CSGALNACT1: variants seen among roughly 807,000 people sequenced by gnomAD.
The protein encoded by CSGALNACT1 is chondroitin sulfate N-acetylgalactosaminyltransferase 1, also known as beta4GalNAcT-1.
A neutral mutation model predicts 51.0 loss-of-function variants in CSGALNACT1; 52 were observed. That is an observed-to-expected ratio of 1.02 (90% CI 0.82 to 1.29). The LOEUF (loss-of-function observed/expected upper bound fraction) is 1.29, where lower values mean the gene tolerates loss of function less well. CSGALNACT1 is among the 50% of genes most tolerant of loss of function. The pLI, the probability that CSGALNACT1 is intolerant of heterozygous loss-of-function variation, is 0.00. For synonymous variants in CSGALNACT1, 341 were observed against 254.4 expected (o/e 1.34, Z -3.24); for missense variants, 935 against 679.2 (o/e 1.38, Z -4.19).
At chr8:19,744,141 C>T (rs2064496202) in intron 1 of CSGALNACT1, among the ~76,000 whole-genome samples, 1 of 152,172 alleles carries the variant, frequency 6.6e-6, no homozygotes, top group African/African-American at 2.4e-5. Flanking sequence ...AAATCAGGCT[C>T]GATAAGGAGT....
intron 3 of CSGALNACT1, among the ~76,000 whole-genome samples, chr8:19,584,565 G>A (rs891460375): frequency 8.5e-5 from 13 of 152,226 alleles, no homozygotes; most frequent in African/African-American, 1.7e-4. Flanking sequence ...TCTAGCTAAC[G>A]CCACTAAATT....
At chr8:19,675,110 G>A (rs2060081653) in intron 1 of CSGALNACT1, among the ~76,000 whole-genome samples, 1 of 152,184 alleles carries the variant, frequency 6.6e-6, no homozygotes, top group Non-Finnish European at 1.5e-5. Flanking sequence ...GTAAATCTGA[G>A]AGTTGCCAAT....
chr8:19,546,266 G>A (rs969596550), intron 3 of CSGALNACT1, among the ~76,000 whole-genome samples: 12 of 152,134 alleles, frequency 7.9e-5, no homozygotes, highest in Admixed American at 1.3e-4. Flanking sequence ...GTTTTTGTAA[G>A]TAAGTTGAAC....
chr8:19,588,241 C>T (rs1167673355), intron 3 of CSGALNACT1, among the ~76,000 whole-genome samples: 3 of 152,084 alleles, frequency 2.0e-5, no homozygotes, highest in Non-Finnish European at 2.9e-5. Context: ...TATACATATA[C>T]TCACACAAAC....
chr8:19,406,053 G>A (rs1273275994), exon 10 of CSGALNACT1: 5 of 1,614,112 alleles, frequency 3.1e-6, no homozygotes, highest in Non-Finnish European at 3.4e-6. Flanking sequence ...AGCCTTTGAT[G>A]TCCAGATCAA....
intron 3 of CSGALNACT1, among the ~76,000 whole-genome samples, chr8:19,550,740 C>T (rs1395409421): frequency 6.6e-6 from 1 of 152,138 alleles, no homozygotes; most frequent in Non-Finnish European, 1.5e-5. Context: ...TTCAACTGGT[C>T]TTTCTCAGAT....
At chr8:19,538,588 C>A (rs1315627852) in intron 3 of CSGALNACT1, among the ~76,000 whole-genome samples, 1 of 152,072 alleles carries the variant, frequency 6.6e-6, no homozygotes. Flanking sequence ...AGGAGGAGGC[C>A]TTCAGGATAA....
chr8:19,553,648 T>C (rs958702062), intron 3 of CSGALNACT1, among the ~76,000 whole-genome samples: 1 of 144,972 alleles, frequency 6.9e-6, no homozygotes. Flanking sequence ...TAAAAAAATA[T>C]GTCAGCCTTT....
chr8:19,629,914 A>T (rs1362577947), intron 1 of CSGALNACT1, among the ~76,000 whole-genome samples: 1 of 152,204 alleles, frequency 6.6e-6, no homozygotes, highest in African/African-American at 2.4e-5. Flanking sequence ...TAAAGATGAG[A>T]AATTCTGAGA....
chr8:19,680,591 G>C (rs1288295795), intron 1 of CSGALNACT1, among the ~76,000 whole-genome samples: 2 of 117,208 alleles, frequency 1.7e-5, no homozygotes, highest in Non-Finnish European at 3.3e-5. Context: ...CAAAAAAAGA[G>C]AATAGTGCAA....
intron 4 of CSGALNACT1, among the ~76,000 whole-genome samples, chr8:19,460,571 C>G (rs2065139709): frequency 6.6e-6 from 1 of 152,168 alleles, no homozygotes; most frequent in Non-Finnish European, 1.5e-5. Flanking sequence ...ACCTCCCAGT[C>G]ACTGACTGGC....
intron 1 of CSGALNACT1, among the ~76,000 whole-genome samples, chr8:19,676,136 T>A (rs1589444753): frequency 7.3e-6 from 1 of 137,404 alleles, no homozygotes; most frequent in African/African-American, 2.7e-5. Context: ...GGAACCAGAG[T>A]TTACACAAGA....
At chr8:19,712,150 T>C (rs908554878) in intron 1 of CSGALNACT1, among the ~76,000 whole-genome samples, 2 of 152,132 alleles carry the variant, frequency 1.3e-5, no homozygotes, top group African/African-American at 2.4e-5. Context: ...CTCAGCCTCC[T>C]GAGTAGCTGG....
rs138924867 is a variant in CSGALNACT1 at position 19,413,554 on chromosome 8, T to A, written c.1228-4860A>T. On this transcript the variant is annotated intron_variant, in intron 8 of 9. Coordinates refer to ENST00000454498, the Ensembl canonical transcript of CSGALNACT1. ...GTTTCCTGAATAAATAGAAACAGAATGCAAGGATGCATAGGATGTGCCATG... is the reference window on the plus strand; with the variant it reads ...GTTTCCTGAATAAATAGAAACAGAAAGCAAGGATGCATAGGATGTGCCATG... 2.6e-5 allele frequency among the ~76,000 whole-genome samples: 4 copies of A among 152,344 alleles called. No individual in the cohort carries two copies. In the East Asian group the frequency reaches 7.7e-4, roughly 29 times the overall value.
intron 1 of CSGALNACT1, among the ~76,000 whole-genome samples, chr8:19,668,341 T>TACAC (rs111315690): frequency 0.28 from 41,925 of 150,648 alleles, 5,852 homozygotes; most frequent in African/African-American, 0.32. Context: ...CATGCACGGT[T>TACAC]ACACACACAC....
intron 1 of CSGALNACT1, among the ~76,000 whole-genome samples, chr8:19,679,843 T>G (rs1157543702): frequency 6.6e-6 from 1 of 152,096 alleles, no homozygotes; most frequent in Non-Finnish European, 1.5e-5. Flanking sequence ...TAGAAATAAC[T>G]TCACACACTC....
intron 1 of CSGALNACT1, among the ~76,000 whole-genome samples, chr8:19,652,826 C>T (rs1008992370): frequency 2.0e-5 from 3 of 152,138 alleles, no homozygotes; most frequent in Admixed American, 6.5e-5. Flanking sequence ...TCCGCAGCAA[C>T]GGAAACTACT....
chr8:19,466,499 A>G (rs1159319687), intron 4 of CSGALNACT1, among the ~76,000 whole-genome samples: 2 of 152,228 alleles, frequency 1.3e-5, no homozygotes, highest in Non-Finnish European at 2.9e-5. Flanking sequence ...ATTTTACTCT[A>G]AAATAGTATT....
At chr8:19,727,789 A>G (rs2063486116) in intron 1 of CSGALNACT1, among the ~76,000 whole-genome samples, 2 of 152,246 alleles carry the variant, frequency 1.3e-5, no homozygotes, top group South Asian at 4.1e-4. Context: ...TAACCCTGGG[A>G]CCAAGGTGGG....
Sources: allele counts gnomAD v4.1 joint callset (sites outside exome capture counted in the v4.1 genomes callset), GRCh38; gene constraint gnomAD v4.1.1; transcripts MANE v1.5; gene names NCBI Gene and HGNC (gene_info 2026-07-23, HGNC 2026-07-21).